Variants in WDR49 observed in about 807,000 individuals in gnomAD.
WDR49 encodes WD repeat domain 49, also known as cilia- and flagella-associated protein 337.
Under a neutral mutation model 119.5 loss-of-function variants are expected in WDR49, and 107 were observed. That is an observed-to-expected ratio of 0.90 (90% CI 0.77 to 1.05). The LOEUF (loss-of-function observed/expected upper bound fraction) is 1.05. Ranked by LOEUF, WDR49 falls within the 50% of genes least tolerant of loss-of-function variation. WDR49 has a pLI of 0.00. For missense variants in WDR49, 1,240 were observed against 1,220.5 expected (o/e 1.02, Z -0.24); for synonymous variants, 425 against 418.8 (o/e 1.01, Z -0.18).
At chr3:167,625,435 T>C (rs1161107415) in intron 3 of WDR49, among the ~76,000 whole-genome samples, 2 of 152,118 alleles carry the variant, frequency 1.3e-5, no homozygotes, top group Non-Finnish European at 2.9e-5. Flanking sequence ...CTTTAGAGAA[T>C]ATTAGAAAAC....
intron 6 of WDR49, among the ~76,000 whole-genome samples, chr3:167,602,689 T>C (rs1311460845): frequency 6.6e-6 from 1 of 152,082 alleles, no homozygotes; most frequent in Non-Finnish European, 1.5e-5. Context: ...AAAACAATGT[T>C]GAAAGTTCAT....
chr3:167,618,464 A>C (rs1716706762), intron 5 of WDR49, among the ~76,000 whole-genome samples: 2 of 152,296 alleles, frequency 1.3e-5, no homozygotes, highest in Middle Eastern at 3.4e-3. Flanking sequence ...TGTTTAAAGT[A>C]AATGTGTGTG....
intron 5 of WDR49, among the ~76,000 whole-genome samples, chr3:167,617,678 A>T (rs1483772566): frequency 6.6e-6 from 1 of 152,104 alleles, no homozygotes; most frequent in Non-Finnish European, 1.5e-5. Context: ...CCAGGTGGGG[A>T]TCTGTAATCT....
At chr3:167,507,451 C>A (rs1045380501) in intron 16 of WDR49, among the ~76,000 whole-genome samples, 4 of 152,120 alleles carry the variant, frequency 2.6e-5, no homozygotes, top group Admixed American at 1.3e-4. Context: ...GTGTTGGATA[C>A]TGAAAGCATG....
At chr3:167,514,064 G>A (rs558023094) in intron 16 of WDR49, among the ~76,000 whole-genome samples, 1 of 152,066 alleles carries the variant, frequency 6.6e-6, no homozygotes, top group East Asian at 1.9e-4. Context: ...GACAGAAAGT[G>A]TAAAAGATAT....
At chr3:167,626,265 C>G (rs1414956022) in intron 3 of WDR49, among the ~76,000 whole-genome samples, 1 of 152,042 alleles carries the variant, frequency 6.6e-6, no homozygotes, top group East Asian at 1.9e-4. Context: ...CTAGGTACAT[C>G]AGGTTTCTAA....
chr3:167,560,188 A>T lies in WDR49; in HGVS notation c.1550T>A (p.Met517Lys), dbSNP rs753297877. Residue 517 changes from methionine to lysine, a missense_variant, in exon 9 of 19, where the codon ATG becomes AAG. Transcript: ENST00000682715. ...SDTGSTVSFW[M>K]IDTGQKIKQF... Reference sequence around the variant, plus strand: ...TTTGATTTTCTGCCCAGTGTCTATCATCCAGAAGGAAACAGTAGACCCTGT... The same window carrying T: ...TTTGATTTTCTGCCCAGTGTCTATCTTCCAGAAGGAAACAGTAGACCCTGT... 32 of 1,614,052 alleles carry T rather than the reference A, an allele frequency of 2.0e-5. No homozygotes were observed. The highest frequency in any genetic ancestry group is 2.7e-5 in the Non-Finnish European group (32 of 1,180,034).
intron 18 of WDR49, among the ~76,000 whole-genome samples, chr3:167,492,512 G>A (rs1412599943): frequency 6.6e-6 from 1 of 152,052 alleles, no homozygotes; most frequent in Non-Finnish European, 1.5e-5. Flanking sequence ...GAACTCTTTA[G>A]TGGAATAATA....
At chr3:167,520,243 C>CAAA (rs556160602) in intron 16 of WDR49, among the ~76,000 whole-genome samples, 4 of 125,000 alleles carry the variant, frequency 3.2e-5, no homozygotes, top group African/African-American at 1.2e-4. Context: ...AAGACAGCCT[C>CAAA]AAAAAAAAAA....
At chr3:167,569,460 T>A (rs980035324) in intron 8 of WDR49, among the ~76,000 whole-genome samples, 2 of 152,198 alleles carry the variant, frequency 1.3e-5, no homozygotes, top group African/African-American at 4.8e-5. Context: ...TTGATTTTTT[T>A]ATATTTCTGG....
At chr3:167,487,912 T>A (rs1000646092) in intron 18 of WDR49, among the ~76,000 whole-genome samples, 3 of 152,202 alleles carry the variant, frequency 2.0e-5, no homozygotes, top group Non-Finnish European at 4.4e-5. Context: ...GGAAGGCTTA[T>A]ACACCATTGG....
At chr3:167,620,636 G>A (rs1464713724) in intron 4 of WDR49, 33 bp from the exon 5 acceptor site, 2 of 1,498,492 alleles carry the variant, frequency 1.3e-6, no homozygotes, top group Non-Finnish European at 1.8e-6. Flanking sequence ...CAACAATCGT[G>A]GACGGGATAT....
chr3:167,538,343 C>T (rs1711583690), intron 10 of WDR49, among the ~76,000 whole-genome samples: 1 of 152,144 alleles, frequency 6.6e-6, no homozygotes, highest in Non-Finnish European at 1.5e-5. Flanking sequence ...AATAGACCAA[C>T]ATTCCAGCCT....
intron 5 of WDR49, among the ~76,000 whole-genome samples, chr3:167,610,102 C>A (rs756515376): frequency 3.8e-4 from 58 of 152,270 alleles, no homozygotes; most frequent in Non-Finnish European, 6.9e-4. Context: ...AGACTCGGCA[C>A]ATTACTAGCT....
intron 16 of WDR49, among the ~76,000 whole-genome samples, chr3:167,511,792 G>A (rs1751987135): frequency 6.6e-6 from 1 of 152,220 alleles, no homozygotes; most frequent in Non-Finnish European, 1.5e-5. Flanking sequence ...AGACTGGGCA[G>A]TTTGGCCTGG....
intron 2 of WDR49, 85 bp downstream of exon 2, chr3:167,653,176 T>C: frequency 7.0e-7 from 1 of 1,425,078 alleles, no homozygotes; most frequent in Non-Finnish European, 9.5e-7. Flanking sequence ...ATTTTTTTAA[T>C]GCTTAAAGAA....
chr3:167,621,300 G>A (rs781482271), intron 4 of WDR49, among the ~76,000 whole-genome samples, 167 bp downstream of exon 4: 13 of 152,048 alleles, frequency 8.5e-5, no homozygotes, highest in South Asian at 2.1e-4. Flanking sequence ...GTTTTTGTAC[G>A]CAAGAAGACA....
chr3:167,593,560 C>T (rs917338485), intron 7 of WDR49, among the ~76,000 whole-genome samples: 8 of 152,022 alleles, frequency 5.3e-5, no homozygotes, highest in African/African-American at 1.2e-4. Flanking sequence ...ATTTTGAATT[C>T]TCCATCTGAA....
chr3:167,648,342 G>A (rs1043599739), intron 2 of WDR49, among the ~76,000 whole-genome samples: 6 of 152,164 alleles, frequency 3.9e-5, no homozygotes, highest in Admixed American at 3.9e-4. Flanking sequence ...TACAACAGAA[G>A]ATACATAGGC....
Sources: gnomAD v4.1 joint callset for allele counts (sites outside exome capture counted in the v4.1 genomes callset) on GRCh38, gnomAD v4.1.1 for gene constraint, MANE v1.5 for transcripts, NCBI Gene and HGNC (gene_info 2026-07-23, HGNC 2026-07-21) for gene names.